Variants in ZNF609 observed in about 807,000 individuals in gnomAD.
ZNF609 encodes the protein zinc finger protein 609.
In ZNF609, 11 loss-of-function variants were observed where a neutral mutation model predicts 109.5. That is an observed-to-expected ratio of 0.10 (90% CI 0.06 to 0.17). ZNF609 has a LOEUF of 0.17. ZNF609 is among the 10% of genes least tolerant of loss of function. The pLI, the probability that ZNF609 is intolerant of heterozygous loss-of-function variation, is 1.00. For missense variants in ZNF609, 1,559 were observed against 1,772.4 expected, an observed-to-expected ratio of 0.88 and a Z score of 2.16; for synonymous variants, 646 against 662.0, an observed-to-expected ratio of 0.98 and a Z score of 0.37.
Position 64,499,458 on chromosome 15 carries a change from G to A in ZNF609, c.39G>A (p.Val13=). 1 of 1,614,056 alleles carries A rather than the reference G, an allele frequency of 6.2e-7. No individual in the cohort carries two copies. Among genetic ancestry groups the A allele is most frequent in the South Asian group, 1.1e-5 (1 of 91,068 alleles). Residue 13 remains valine, a synonymous_variant, in exon 2 of 10, where the codon GTG becomes GTA. Transcript: ENST00000326648. ...LSSGASGGKG[V]DANPVETYDS... is the part of the protein sequence containing the mutation. ...GTGGAGCCTCCGGAGGGAAAGGAGT[G>A]GATGCAAACCCGGTTGAGACATACG...
In ZNF609 at chr15:64,670,329, G is replaced by A. The variant is rs754009768; in HGVS notation, c.974-17G>A. 14 of 1,606,812 alleles carry A rather than the reference G, an allele frequency of 8.7e-6. No individual in the cohort carries two copies. The South Asian group carries it at 1.5e-4, about 18-fold the overall frequency. ...TGGGGTGTGTCTTGTCTATATCTATGTGCTCTTATTTTCCAGGGATGTTGG... is the reference window on the plus strand; with the variant it reads ...TGGGGTGTGTCTTGTCTATATCTATATGCTCTTATTTTCCAGGGATGTTGG... On this transcript the variant is annotated splice_polypyrimidine_tract_variant and intron_variant, in intron 3 of 9. Transcript: ENST00000326648.
chr15:64,469,500 CTTT>C (rs1309775214), intron 1 of ZNF609, among the ~76,000 whole-genome samples: 1 of 131,512 alleles, frequency 7.6e-6, no homozygotes, highest in African/African-American at 2.8e-5. Context: ...AAGTGAGCAT[CTTT>C]TTTTTTTTTA....
chr15:64,539,155 C>T (rs1335036775), intron 2 of ZNF609, among the ~76,000 whole-genome samples: 2 of 146,542 alleles, frequency 1.4e-5, no homozygotes, highest in African/African-American at 5.3e-5. Flanking sequence ...AGGCGCCTGC[C>T]ACCATGCCTT....
At chr15:64,616,709 C>T (rs974693251) in intron 2 of ZNF609, among the ~76,000 whole-genome samples, 17 of 150,140 alleles carry the variant, frequency 1.1e-4, no homozygotes, top group Middle Eastern at 3.5e-3. Flanking sequence ...CTAGTAGAGA[C>T]GGGGTTTCAC....
intron 1 of ZNF609, among the ~76,000 whole-genome samples, chr15:64,478,108 C>A (rs552548007): frequency 6.7e-6 from 1 of 150,056 alleles, no homozygotes; most frequent in South Asian, 2.1e-4. Context: ...GACCTATTTG[C>A]CATTTTGTAA....
intron 3 of ZNF609, among the ~76,000 whole-genome samples, chr15:64,649,640 CT>C (rs1896385802): frequency 6.6e-6 from 1 of 152,116 alleles, no homozygotes; most frequent in Admixed American, 6.6e-5. Context: ...TACTGAGTAC[CT>C]GCTAAGTATT....
chr15:64,571,946 G>C lies in ZNF609; in HGVS notation c.748-50881G>C, dbSNP rs116617873. 2.4e-3 allele frequency among the ~76,000 whole-genome samples: 366 copies of C among 152,202 alleles called. 2 individuals carry two copies. The highest frequency in any genetic ancestry group is 8.5e-3 in the African/African-American group (353 of 41,538). On this transcript the variant is annotated intron_variant, in intron 2 of 9. Transcript: ENST00000326648. Reference sequence around the variant, plus strand: ...GTGCTGGTATTACAGGTGTGAGCCCGGCCTTGAGTCTTTGTTTGGTTAGGA... The same window carrying C: ...GTGCTGGTATTACAGGTGTGAGCCCCGCCTTGAGTCTTTGTTTGGTTAGGA...
chr15:64,672,226 A>C (rs1319469010), intron 4 of ZNF609, among the ~76,000 whole-genome samples: 1 of 148,898 alleles, frequency 6.7e-6, no homozygotes, highest in Non-Finnish European at 1.5e-5. Context: ...TTTAGCCAGG[A>C]TGGTCTCGAT....
chr15:64,673,890 T>C, intron 4 of ZNF609, 26 bp from the exon 5 acceptor site: 2 of 1,590,598 alleles, frequency 1.3e-6, no homozygotes, highest in Admixed American at 1.7e-5. Flanking sequence ...CTTAATAATA[T>C]TCTGTTGTGT....
chr15:64,685,719 C>G lies in ZNF609; in HGVS notation c.*4033C>G, dbSNP rs771994037. On this transcript the variant is annotated 3_prime_UTR_variant, in exon 10 of 10. Transcript: ENST00000326648. ...TAGGACGGATGGTTTTAGGAATGAC[C>G]GGAAAACTACCCCTAAAACTCCCCC... The G allele has an allele frequency of 6.6e-6, 1 of 152,532 alleles. No individual in the cohort carries two copies. Among genetic ancestry groups the G allele is most frequent in the South Asian group, 2.1e-4 (1 of 4,820 alleles). 9.4% of individuals were successfully genotyped at this position (152,532 alleles called of 1,614,324 possible). A position where few individuals can be genotyped will look rare whatever the true frequency, so the allele number is the denominator to read the frequency against.
At chr15:64,542,717 C>T (rs1894286048) in intron 2 of ZNF609, among the ~76,000 whole-genome samples, 1 of 152,172 alleles carries the variant, frequency 6.6e-6, no homozygotes, top group South Asian at 2.1e-4. Context: ...GTCCCATGTC[C>T]TGTGGATGAT....
intron 2 of ZNF609, among the ~76,000 whole-genome samples, chr15:64,536,705 C>T (rs1005879626): frequency 2.2e-5 from 3 of 139,180 alleles, no homozygotes; most frequent in African/African-American, 5.4e-5. Flanking sequence ...AGCAAGACCT[C>T]GTCTCTACTA....
rs1896450432 is a variant in ZNF609, at chr15:64,653,770, G to C, written c.974-16576G>C. 1.3e-5 allele frequency among the ~76,000 whole-genome samples: 2 copies of C among 152,168 alleles called. 1 individual carries two copies. The highest frequency in any genetic ancestry group is 4.1e-4 in the South Asian group (2 of 4,830). ...TAGCTTTGAATAGTAGCTCCTTGCA[G>C]ATTGAATGAGAAACTACTAGAGTTT... On this transcript the variant is annotated intron_variant, in intron 3 of 9. Transcript: ENST00000326648.
chr15:64,617,804 A>G (rs2593698), intron 2 of ZNF609, among the ~76,000 whole-genome samples: 113,372 of 152,098 alleles, frequency 0.75, 45,723 homozygotes, highest in East Asian at 0.96. Context: ...ACAAACAAAA[A>G]GTATTAAAAG....
intron 3 of ZNF609, among the ~76,000 whole-genome samples, chr15:64,629,357 T>A (rs756724497): frequency 6.6e-6 from 1 of 152,308 alleles, no homozygotes; most frequent in East Asian, 1.9e-4. Flanking sequence ...GAGTTAGGAA[T>A]GGCATTTAGC....
At chr15:64,658,220 C>T (rs1389862974) in intron 3 of ZNF609, among the ~76,000 whole-genome samples, 4 of 151,366 alleles carry the variant, frequency 2.6e-5, no homozygotes, top group East Asian at 1.9e-4. Flanking sequence ...TTTTTTGAGA[C>T]GGAGTCTTGC....
At chr15:64,641,475 A>G (rs1896257243) in intron 3 of ZNF609, among the ~76,000 whole-genome samples, 1 of 151,760 alleles carries the variant, frequency 6.6e-6, no homozygotes, top group Non-Finnish European at 1.5e-5. Context: ...CGGCCTCCCA[A>G]AGTGCTGGGA....
intron 1 of ZNF609, among the ~76,000 whole-genome samples, chr15:64,487,623 G>A (rs1893350915): frequency 6.7e-6 from 1 of 150,330 alleles, no homozygotes; most frequent in Non-Finnish European, 1.5e-5. Flanking sequence ...TTTTTTTGTT[G>A]TTTGTTTTTT....
rs140401644 is a variant in ZNF609, at chr15:64,467,722, G to A, written c.-128+6884G>A. ...TAGCTGGGCATGGTGGCGCACGTCT[G>A]TAGTCCCAGCTACTCGGGAGGCTGA... On this transcript the variant is annotated intron_variant, in intron 1 of 9. Transcript: ENST00000326648. 7.1e-3 allele frequency among the ~76,000 whole-genome samples: 1,074 copies of A among 152,312 alleles called. 14 individuals are homozygous for A. The highest frequency in any genetic ancestry group is 0.025 in the African/African-American group (1,034 of 41,562).
Sources: allele counts gnomAD v4.1 joint callset (sites outside exome capture counted in the v4.1 genomes callset), GRCh38; gene constraint gnomAD v4.1.1; transcripts MANE v1.5; gene names NCBI Gene and HGNC (gene_info 2026-07-23, HGNC 2026-07-21).